Variants in SDC2 observed in about 807,000 individuals in gnomAD.
The protein encoded by SDC2 is syndecan 2, also known as syndecan-2.
A neutral mutation model predicts 22.2 loss-of-function variants in SDC2; 13 were observed. That is an observed-to-expected ratio of 0.59 (90% confidence interval 0.38 to 0.93). SDC2 has a LOEUF of 0.93. Among genes scored for constraint, SDC2 ranks in the 40% least tolerant of loss-of-function variants. The probability of loss-of-function intolerance (pLI) is 0.00; values close to 1 mark genes in which losing one functional copy is unlikely to be tolerated. For synonymous variants in SDC2, 94 were observed against 92.8 expected, an observed-to-expected ratio of 1.01 and a Z score of -0.07; for missense variants, 235 against 246.8, an observed-to-expected ratio of 0.95 and a Z score of 0.32.
chr8:96,534,260 G>A (rs973153334), intron 1 of SDC2, among the ~76,000 whole-genome samples: 6 of 152,230 alleles, frequency 3.9e-5, no homozygotes, highest in African/African-American at 1.4e-4. Context: ...GGCCCCCACA[G>A]TGCAGTGGTG....
chr8:96,601,064 G>A (rs576095248), intron 2 of SDC2, among the ~76,000 whole-genome samples: 45 of 152,274 alleles, frequency 3.0e-4, no homozygotes, highest in Admixed American at 2.3e-3. Flanking sequence ...AATAGCCAGA[G>A]AGGTGAGGGG....
At chr8:96,568,800 G>A (rs916128228) in intron 1 of SDC2, among the ~76,000 whole-genome samples, 1 of 152,156 alleles carries the variant, frequency 6.6e-6, no homozygotes, top group Admixed American at 6.5e-5. Context: ...CAATAAACAT[G>A]TATTGCTTCA....
intron 1 of SDC2, among the ~76,000 whole-genome samples, chr8:96,524,618 C>T (rs892585338): frequency 2.0e-5 from 3 of 152,104 alleles, no homozygotes; most frequent in Non-Finnish European, 2.9e-5. Context: ...TTTCTTTGTC[C>T]TAGCTCCCCC....
At chr8:96,603,919 G>A (rs983517717) in intron 3 of SDC2, among the ~76,000 whole-genome samples, 5 of 152,186 alleles carry the variant, frequency 3.3e-5, no homozygotes, top group African/African-American at 1.2e-4. Context: ...AAAAGCTACT[G>A]TATCAATGTT....
intron 1 of SDC2, among the ~76,000 whole-genome samples, chr8:96,494,650 G>A (rs1813020604): frequency 2.0e-5 from 3 of 152,170 alleles, no homozygotes; most frequent in Non-Finnish European, 4.4e-5. Context: ...GTCTGGGAAG[G>A]ACGGAGGGGA....
chr8:96,594,290 G>GA (rs1249151531), intron 2 of SDC2, among the ~76,000 whole-genome samples: 13 of 152,260 alleles, frequency 8.5e-5, no homozygotes, highest in African/African-American at 2.9e-4. Context: ...ACATGTCAGT[G>GA]GTCAGCTGCC....
At chr8:96,496,094 G>C (rs987456602) in intron 1 of SDC2, among the ~76,000 whole-genome samples, 1 of 152,154 alleles carries the variant, frequency 6.6e-6, no homozygotes, top group Non-Finnish European at 1.5e-5. Context: ...ACTGCACATG[G>C]TTAAGGAGGC....
intron 1 of SDC2, among the ~76,000 whole-genome samples, chr8:96,536,570 C>T (rs1813759054): frequency 6.6e-6 from 1 of 152,236 alleles, no homozygotes. Flanking sequence ...AGTCCCCCTC[C>T]CTTGGCCTCC....
chr8:96,502,969 T>A (rs1200038077), intron 1 of SDC2, among the ~76,000 whole-genome samples: 1 of 152,238 alleles, frequency 6.6e-6, no homozygotes, highest in Non-Finnish European at 1.5e-5. Flanking sequence ...GCTCAGCATA[T>A]GCATGCTAAG....
At chr8:96,582,263 A>G (rs1013939174) in intron 1 of SDC2, among the ~76,000 whole-genome samples, 1 of 152,254 alleles carries the variant, frequency 6.6e-6, no homozygotes, top group African/African-American at 2.4e-5. Context: ...AAATAAATAC[A>G]GAACCCAGGG....
At chr8:96,528,078 T>C (rs983332302) in intron 1 of SDC2, among the ~76,000 whole-genome samples, 9 of 152,202 alleles carry the variant, frequency 5.9e-5, no homozygotes, top group African/African-American at 2.2e-4. Flanking sequence ...AACTTAATTA[T>C]AAGTCGTTGG....
chr8:96,603,121 C>G (rs896797037), intron 3 of SDC2, among the ~76,000 whole-genome samples: 5 of 152,204 alleles, frequency 3.3e-5, no homozygotes, highest in Non-Finnish European at 7.3e-5. Flanking sequence ...AAACTTGGAG[C>G]TTGTGATTTT....
At chr8:96,572,789 C>G (rs1409815695) in intron 1 of SDC2, among the ~76,000 whole-genome samples, 1 of 152,192 alleles carries the variant, frequency 6.6e-6, no homozygotes, top group Non-Finnish European at 1.5e-5. Flanking sequence ...AAGTCATTAA[C>G]TACATTAGTT....
rs377057692 is a variant in SDC2, at chr8:96,608,321, G to A, written c.307-14G>A. ...CCTTAAATCAATGTAATCTTTCCCT[G>A]TTTCCCATACCAGTCACCTGAAGAA... On this transcript the variant is annotated splice_polypyrimidine_tract_variant and intron_variant, in intron 3 of 4. Transcript: ENST00000302190. The A allele has an allele frequency of 2.6e-5, 42 of 1,608,082 alleles. No individual in the cohort carries two copies. In the Middle Eastern group the frequency reaches 6.6e-4, roughly 25 times the overall value.
chr8:96,604,583 T>C (rs1321303329), intron 3 of SDC2, among the ~76,000 whole-genome samples: 1 of 152,206 alleles, frequency 6.6e-6, no homozygotes, highest in African/African-American at 2.4e-5. Context: ...TAGGATACCA[T>C]TAGTGTAGAT....
intron 1 of SDC2, among the ~76,000 whole-genome samples, chr8:96,535,477 G>A (rs1008100079): frequency 1.4e-4 from 22 of 152,210 alleles, no homozygotes; most frequent in African/African-American, 4.6e-4. Context: ...TTACCCACAC[G>A]GCAGCATGTT....
At chr8:96,538,933 A>C (rs1029568726) in intron 1 of SDC2, 2 of 152,222 alleles carry the variant, frequency 1.3e-5, no homozygotes, top group African/African-American at 4.8e-5. Context: ...ATCCCTATGA[A>C]AGTCTTAGGA....
chr8:96,549,470 T>G (rs1259322037), intron 1 of SDC2, among the ~76,000 whole-genome samples: 1 of 152,194 alleles, frequency 6.6e-6, no homozygotes, highest in African/African-American at 2.4e-5. Flanking sequence ...CAGTGACTGC[T>G]GCAAACTGGG....
At chr8:96,575,023 A>G (rs1037390385) in intron 1 of SDC2, among the ~76,000 whole-genome samples, 7 of 152,190 alleles carry the variant, frequency 4.6e-5, no homozygotes, top group Non-Finnish European at 1.0e-4. Flanking sequence ...ATGAGAATCT[A>G]ATGCCGCCAC....
Sources: gnomAD v4.1 joint callset for allele counts (sites outside exome capture counted in the v4.1 genomes callset) on GRCh38, gnomAD v4.1.1 for gene constraint, MANE v1.5 for transcripts, NCBI Gene and HGNC (gene_info 2026-07-23, HGNC 2026-07-21) for gene names.